Variants in ZFYVE28 observed in about 807,000 individuals in gnomAD.
The protein encoded by ZFYVE28 is lateral signaling target protein 2 homolog.
Under a neutral mutation model 82.1 loss-of-function variants are expected in ZFYVE28, and 40 were observed. That is an observed-to-expected ratio of 0.49 (90% CI 0.38 to 0.63). The LOEUF (loss-of-function observed/expected upper bound fraction) is 0.63. Among genes scored for constraint, ZFYVE28 ranks in the 30% least tolerant of loss-of-function variants. ZFYVE28 has a pLI of 0.00. For synonymous variants in ZFYVE28, 612 were observed against 546.1 expected (o/e 1.12, Z -1.68); for missense variants, 1,321 against 1,242.1 (o/e 1.06, Z -0.96).
At chr4:2,290,500 C>A (rs1002647738) in intron 8 of ZFYVE28, among the ~76,000 whole-genome samples, 1 of 152,220 alleles carries the variant, frequency 6.6e-6, no homozygotes, top group African/African-American at 2.4e-5. Flanking sequence ...TTTGTCCTCT[C>A]GTGAGGATGC....
At position 2,271,755 on chromosome 4, in the gene ZFYVE28, G is replaced by T. The variant is rs766023902; in HGVS notation, c.2348C>A (p.Ala783Asp). ...RKVTQTLRSA[A>D]LEDCALCQET... ...CTGGCACAGTGCACAGTCCTCCAAG[G>T]CCGCACTCCGCAGAGTCTGGGTGAC... is the stretch of plus-strand genomic sequence containing the variant. Residue 783 changes from alanine to aspartate, a missense_variant, in exon 11 of 13, where the codon GCC becomes GAC. Ala to Asp is a moderately radical substitution (Grantham distance 126, BLOSUM62 -2). Around this residue, in one of 2 missense-constraint regions of ZFYVE28, gnomAD observed 978 missense variants for 833.7 expected, o/e 1.17. Transcript: ENST00000290974. 1.5e-5 allele frequency: 25 copies of T among 1,613,750 alleles called. 1 individual carries two copies. In the South Asian group the frequency reaches 2.7e-4, roughly 18 times the overall value.
chr4:2,292,471 T>C (rs555311025), intron 8 of ZFYVE28, among the ~76,000 whole-genome samples: 1 of 152,212 alleles, frequency 6.6e-6, no homozygotes, highest in East Asian at 1.9e-4. Context: ...GGGAAGCCGA[T>C]TGCAGGGGCA....
chr4:2,350,108 A>G (rs897831562), intron 2 of ZFYVE28, among the ~76,000 whole-genome samples: 18 of 152,122 alleles, frequency 1.2e-4, no homozygotes, highest in Non-Finnish European at 2.2e-4. Context: ...GATTATCTTT[A>G]TTGGCAAAAA....
chr4:2,303,468 C>G (rs1196341299), intron 8 of ZFYVE28, among the ~76,000 whole-genome samples: 1 of 152,206 alleles, frequency 6.6e-6, no homozygotes, highest in African/African-American at 2.4e-5. Flanking sequence ...CCCTCCCTGT[C>G]CTCCGTCTCT....
intron 1 of ZFYVE28, among the ~76,000 whole-genome samples, chr4:2,367,423 A>G (rs1727005050): frequency 6.6e-6 from 1 of 152,258 alleles, no homozygotes; most frequent in Admixed American, 6.5e-5. Flanking sequence ...GGGCAGCTCA[A>G]GAAACTCTGA....
chr4:2,324,530 G>A (rs2108841155), intron 6 of ZFYVE28: 1 of 185,202 alleles, frequency 5.4e-6, no homozygotes, highest in Non-Finnish European at 1.2e-5. Flanking sequence ...AGGTACTGAG[G>A]TAACATTCAA....
chr4:2,302,341 C>T (rs1715685838), intron 8 of ZFYVE28, among the ~76,000 whole-genome samples: 1 of 152,224 alleles, frequency 6.6e-6, no homozygotes, highest in Non-Finnish European at 1.5e-5. Flanking sequence ...GTTGAATCAG[C>T]TGTCAATGGC....
At chr4:2,327,994 A>C (rs760642140) in intron 6 of ZFYVE28, among the ~76,000 whole-genome samples, 14 of 152,234 alleles carry the variant, frequency 9.2e-5, no homozygotes, top group Non-Finnish European at 1.9e-4. Context: ...GGAAAACAGT[A>C]TAGAGGTTCC....
rs117439397 is a variant in ZFYVE28, at chr4:2,408,572, G to A, written c.39+9713C>T. On this transcript the variant is annotated intron_variant, in intron 1 of 12. Coordinates refer to ENST00000290974, the MANE Select transcript of ZFYVE28 (RefSeq NM_020972.3). The surrounding 1 kb of genome is among the most constrained non-coding windows in gnomAD (Gnocchi z 4.3). ...GCTGACCCTTCCCAACTGAAGCTCC[G>A]CCCAGTTGGGCCCCGCCCAGGTAAG... Among the ~76,000 whole-genome samples, 27 of 152,280 alleles carry A rather than the reference G, an allele frequency of 1.8e-4. No homozygotes were observed. The East Asian group carries it at 4.8e-3, about 27-fold the overall frequency.
chr4:2,392,103 G>A (rs991439983), intron 1 of ZFYVE28, among the ~76,000 whole-genome samples: 2 of 150,918 alleles, frequency 1.3e-5, no homozygotes, highest in Non-Finnish European at 2.9e-5. Flanking sequence ...GCAGTGAGCC[G>A]AGATTGCATC....
chr4:2,320,077 G>T lies in ZFYVE28; in HGVS notation c.803+93C>A, dbSNP rs1718845560. The T allele has an allele frequency of 8.5e-7, 1 of 1,177,326 alleles. No homozygotes were observed. Among genetic ancestry groups the T allele is most frequent in the Non-Finnish European group, 1.2e-6 (1 of 804,820 alleles). 72.9% of individuals were successfully genotyped at this position (1,177,326 alleles called of 1,614,324 possible). A position where few individuals can be genotyped will look rare whatever the true frequency, so the allele number is the denominator to read the frequency against. ...CATCCTTCCTCACAGAGAGGAGGAG[G>T]ACCTGGAGGCGGCGGCTAAACATGA... is the stretch of plus-strand genomic sequence containing the variant. On this transcript the variant is annotated intron_variant, in intron 7 of 12. Coordinates refer to ENST00000290974, the MANE Select transcript of ZFYVE28 (RefSeq NM_020972.3). This position sits in a 1 kb window ranked among gnomAD's most constrained non-coding sequence, Gnocchi z 5.1.
intron 1 of ZFYVE28, chr4:2,364,526 C>G (rs1006432016): frequency 3.0e-6 from 3 of 985,402 alleles, no homozygotes; most frequent in Non-Finnish European, 3.6e-6. Flanking sequence ...TCCTCCACAG[C>G]CCAGACGCAA....
chr4:2,382,281 C>T (rs963230835), intron 1 of ZFYVE28, among the ~76,000 whole-genome samples: 32 of 152,200 alleles, frequency 2.1e-4, no homozygotes, highest in Admixed American at 2.0e-4. Context: ...AGAGGGCCAC[C>T]GTCCTTCAGA....
At chr4:2,308,670 A>AG (rs1560182273) in intron 7 of ZFYVE28, among the ~76,000 whole-genome samples, 2 of 112,656 alleles carry the variant, frequency 1.8e-5, no homozygotes, top group African/African-American at 7.2e-5. Context: ...AGAAAGAAAG[A>AG]AAGAAAGAGA....
chr4:2,360,582 T>C (rs564850103), intron 1 of ZFYVE28, among the ~76,000 whole-genome samples: 95 of 152,184 alleles, frequency 6.2e-4, no homozygotes, highest in African/African-American at 2.3e-3. Flanking sequence ...GGAGGGGTCT[T>C]TATTCATTGT....
At position 2,416,162 on chromosome 4, in the gene ZFYVE28, AAGTTGGG is replaced by A. The variant is rs1312250026; in HGVS notation, c.39+2116_39+2122del. ...AAGGCAGCTGCCTGCTGAAGAGGAA[AAGTTGGG>A]AACGCAATTCCTAATTCTCAGGACA... On this transcript the variant is annotated intron_variant, in intron 1 of 12. Transcript: ENST00000290974. The surrounding 1 kb of genome is among the most constrained non-coding windows in gnomAD (Gnocchi z 4.6). Among the ~76,000 whole-genome samples the A allele has an allele frequency of 1.3e-5, 2 of 152,212 alleles. No individual in the cohort carries two copies. Among genetic ancestry groups the A allele is most frequent in the Non-Finnish European group, 2.9e-5 (2 of 68,028 alleles).
intron 1 of ZFYVE28, among the ~76,000 whole-genome samples, chr4:2,379,398 C>G (rs980964709): frequency 2.6e-5 from 4 of 152,340 alleles, no homozygotes; most frequent in African/African-American, 7.2e-5. Context: ...ATTTAAAGCT[C>G]TCTCCTCTTA....
chr4:2,403,974 A>G lies in ZFYVE28; in HGVS notation c.39+14311T>C, dbSNP rs1208116684. 1.5e-3 allele frequency among the ~76,000 whole-genome samples: 6 copies of G among 3,958 alleles called. No individual in the cohort carries two copies. The Admixed American group carries it at 0.018, about 12-fold the overall frequency. 2.6% of individuals were successfully genotyped at this position (3,958 alleles called of 152,430 possible). A position where few individuals can be genotyped will look rare whatever the true frequency, so the allele number is the denominator to read the frequency against. On this transcript the variant is annotated intron_variant, in intron 1 of 12. Transcript: ENST00000290974. ...ACAAGAGCGAAACTCCATTTCGGAA[A>G]AAAAAAAAAAAAAAAAAGAATCACA...
chr4:2,392,580 A>G (rs1216567400), intron 1 of ZFYVE28, among the ~76,000 whole-genome samples: 1 of 152,238 alleles, frequency 6.6e-6, no homozygotes, highest in African/African-American at 2.4e-5. Context: ...ACAGTGAATA[A>G]AAATAAATTA....
Sources: gnomAD v4.1 joint callset for allele counts (sites outside exome capture counted in the v4.1 genomes callset) on GRCh38, gnomAD v4.1.1 for gene constraint, gnomAD v4.1.1 regional missense constraint, Gnocchi (gnomAD v3.1) non-coding constraint, MANE v1.5 for transcripts, NCBI Gene and HGNC (gene_info 2026-07-23, HGNC 2026-07-21) for gene names.